The following MIPOL1 variants were observed in gnomAD, a reference collection of about 807,000 sequenced individuals.
MIPOL1 encodes mirror-image polydactyly gene 1 protein.
Under a neutral mutation model 60.9 loss-of-function variants are expected in MIPOL1, and 57 were observed. That is an observed-to-expected ratio of 0.94 (90% CI 0.76 to 1.17). The LOEUF (loss-of-function observed/expected upper bound fraction) is 1.17, where lower values mean the gene tolerates loss of function less well. Ranked by LOEUF, MIPOL1 falls within the 50% of genes most tolerant of loss-of-function variation. MIPOL1 has a pLI of 0.00. For missense variants in MIPOL1, 551 were observed against 511.6 expected (o/e 1.08, Z -0.74); for synonymous variants, 179 against 168.8 (o/e 1.06, Z -0.47).
chr14:37,200,885 TGTGTGTGTGTGTGTA>T (rs1566965139), intron 1 of MIPOL1, among the ~76,000 whole-genome samples: 29 of 107,068 alleles, frequency 2.7e-4, no homozygotes, highest in South Asian at 1.5e-3. Flanking sequence ...TGTGTGTGTG[TGTGTGTGTGTGTGTA>T]TTTTTTTTTT....
At chr14:37,235,158 A>G (rs907493549) in intron 1 of MIPOL1, among the ~76,000 whole-genome samples, 4 of 151,902 alleles carry the variant, frequency 2.6e-5, no homozygotes, top group Admixed American at 2.0e-4. Flanking sequence ...TAATATTTTT[A>G]TGCTGCTTCT....
intron 12 of MIPOL1, among the ~76,000 whole-genome samples, chr14:37,522,271 T>C (rs1052888194): frequency 6.6e-6 from 1 of 152,182 alleles, no homozygotes. Flanking sequence ...AGTGTTACTT[T>C]ACGCATCTTC....
chr14:37,236,233 T>G lies in MIPOL1; in HGVS notation c.-198-10870T>G, dbSNP rs143802584. ...TAGGATTACGCGCCTGGCCTCAATTTTTTGATAATAGTCATCTTGCTGGGT... is the reference window on the plus strand; with the variant it reads ...TAGGATTACGCGCCTGGCCTCAATTGTTTGATAATAGTCATCTTGCTGGGT... On this transcript the variant is annotated intron_variant, in intron 1 of 12. Transcript: ENST00000684589. 2.5e-3 allele frequency among the ~76,000 whole-genome samples: 386 copies of G among 152,182 alleles called. 1 individual carries two copies. The highest frequency in any genetic ancestry group is 9.1e-3 in the African/African-American group (378 of 41,518).
intron 7 of MIPOL1, among the ~76,000 whole-genome samples, chr14:37,307,810 G>A (rs1449773708): frequency 6.6e-6 from 1 of 152,014 alleles, no homozygotes; most frequent in Non-Finnish European, 1.5e-5. Flanking sequence ...ATGAACAATT[G>A]ATCCTTGTAG....
At chr14:37,247,300 T>C (rs1324847064) in intron 2 of MIPOL1, 60 bp downstream of exon 2, 1 of 152,502 alleles carries the variant, frequency 6.6e-6, no homozygotes, top group African/African-American at 2.4e-5. Flanking sequence ...TGTTTTATCA[T>C]GTTTACTACA....
intron 11 of MIPOL1, among the ~76,000 whole-genome samples, chr14:37,476,680 A>G (rs2094779267): frequency 6.6e-6 from 1 of 152,012 alleles, no homozygotes; most frequent in South Asian, 2.1e-4. Context: ...ATTCTTTTTT[A>G]TATGATTAAT....
chr14:37,499,338 A>G lies in MIPOL1; in HGVS notation c.1032-570A>G, dbSNP rs112323821. 5.9e-3 allele frequency among the ~76,000 whole-genome samples: 901 copies of G among 152,328 alleles called. 9 individuals carry two copies. The highest frequency in any genetic ancestry group is 0.03 in the South Asian group (146 of 4,826). On this transcript the variant is annotated intron_variant, in intron 11 of 12. Coordinates refer to ENST00000684589, the MANE Select transcript of MIPOL1 (RefSeq NM_001388067.1). ...GTTAAGAGATTCATTAGCCAAAAAA[A>G]AATATACACATGTATATATGAATAC...
chr14:37,343,197 T>C (rs1389243107), intron 9 of MIPOL1, among the ~76,000 whole-genome samples: 1 of 151,986 alleles, frequency 6.6e-6, no homozygotes, highest in Non-Finnish European at 1.5e-5. Flanking sequence ...TAATTTTTGG[T>C]ATTTGTAAAC....
intron 11 of MIPOL1, among the ~76,000 whole-genome samples, chr14:37,497,454 A>G (rs982590358): frequency 1.3e-5 from 2 of 152,238 alleles, no homozygotes; most frequent in East Asian, 3.9e-4. Flanking sequence ...GGAGTAGGCT[A>G]AGATTTTTTA....
chr14:37,292,356 A>G (rs2085164474), intron 7 of MIPOL1, among the ~76,000 whole-genome samples: 1 of 151,010 alleles, frequency 6.6e-6, no homozygotes, highest in Admixed American at 6.6e-5. Context: ...TTTGTGGTGT[A>G]TTCATAGTTG....
intron 3 of MIPOL1, among the ~76,000 whole-genome samples, chr14:37,259,950 C>T (rs1172561339): frequency 6.6e-6 from 1 of 152,062 alleles, no homozygotes; most frequent in East Asian, 1.9e-4. Flanking sequence ...TTGTCTGCCT[C>T]CCTCATTCTT....
chr14:37,460,961 T>G (rs896753919), intron 11 of MIPOL1, among the ~76,000 whole-genome samples: 1 of 152,058 alleles, frequency 6.6e-6, no homozygotes, highest in Non-Finnish European at 1.5e-5. Flanking sequence ...ATAATTCCTA[T>G]CAAATTACCA....
chr14:37,551,521 T>G (rs2095561584), downstream of MIPOL1: 1 of 151,904 alleles, frequency 6.6e-6, no homozygotes, highest in African/African-American at 2.4e-5. Flanking sequence ...TGAAGAGAAA[T>G]ATCATTTTTA....
intron 12 of MIPOL1, among the ~76,000 whole-genome samples, chr14:37,532,972 T>C (rs2095488514): frequency 6.6e-6 from 1 of 152,162 alleles, no homozygotes; most frequent in Non-Finnish European, 1.5e-5. Context: ...AAAGTGTATA[T>C]GTTTGTACAC....
At chr14:37,394,712 G>A (rs1258620233) in intron 10 of MIPOL1, among the ~76,000 whole-genome samples, 1 of 152,084 alleles carries the variant, frequency 6.6e-6, no homozygotes, top group Non-Finnish European at 1.5e-5. Context: ...CACTTGGTGT[G>A]TTGTCTGTTT....
At chr14:37,348,432 A>T (rs374158169) in intron 9 of MIPOL1, among the ~76,000 whole-genome samples, 4 of 152,172 alleles carry the variant, frequency 2.6e-5, no homozygotes, top group Admixed American at 1.3e-4. Context: ...ATTGTTATAC[A>T]TTAGAAAATT....
At position 37,499,914 on chromosome 14, in the gene MIPOL1, C is replaced by T. The variant is rs1309938651; in HGVS notation, c.1038C>T (p.His346=). The change falls in exon 12 of 13, where the codon CAC becomes CAT. Residue 346 remains histidine (H), a synonymous_variant. Coordinates refer to ENST00000684589, the MANE Select transcript of MIPOL1 (RefSeq NM_001388067.1). The part of the protein sequence containing the change: ...IQTLRVYYSL[H]KSLSQEENLK... ...TTTTTTAATATTTTCTCAGTTTACACAAATCTTTATCTCAAGAAGAAAATC... is the reference window on the plus strand; with the variant it reads ...TTTTTTAATATTTTCTCAGTTTACATAAATCTTTATCTCAAGAAGAAAATC... 1 of 1,551,666 alleles carries T rather than the reference C, an allele frequency of 6.4e-7. No homozygotes were observed. Among genetic ancestry groups the T allele is most frequent in the Non-Finnish European group, 8.8e-7 (1 of 1,135,166 alleles).
chr14:37,229,307 A>G (rs906982699), intron 1 of MIPOL1, among the ~76,000 whole-genome samples: 1 of 152,020 alleles, frequency 6.6e-6, no homozygotes, highest in African/African-American at 2.4e-5. Context: ...GTGTGCTACC[A>G]CACCCAGCTA....
intron 1 of MIPOL1, among the ~76,000 whole-genome samples, chr14:37,241,625 T>C (rs961394234): frequency 6.6e-6 from 1 of 151,974 alleles, no homozygotes; most frequent in African/African-American, 2.4e-5. Flanking sequence ...TACATTGACC[T>C]TCAATGATGG....
Sources: gnomAD v4.1 joint callset for allele counts (sites outside exome capture counted in the v4.1 genomes callset) on GRCh38, gnomAD v4.1.1 for gene constraint, MANE v1.5 for transcripts, NCBI Gene and HGNC (gene_info 2026-07-23, HGNC 2026-07-21) for gene names.